Variants in FAM234A observed in about 807,000 individuals in gnomAD.
FAM234A encodes the protein protein FAM234A.
FAM234A carries 42 observed loss-of-function variants against 49.1 expected under a neutral mutation model. That is an observed-to-expected ratio of 0.86 (90% confidence interval 0.67 to 1.11). The LOEUF (loss-of-function observed/expected upper bound fraction) is 1.11. Among genes scored for constraint, FAM234A ranks in the 50% least tolerant of loss-of-function variants. The pLI is 0.00. For synonymous variants in FAM234A, 369 were observed against 316.2 expected, an observed-to-expected ratio of 1.17 and a Z score of -1.77; for missense variants, 815 against 745.2, an observed-to-expected ratio of 1.09 and a Z score of -1.09.
chr16:245,266 G>A (rs573587720), intron 1 of FAM234A, among the ~76,000 whole-genome samples: 121 of 152,204 alleles, frequency 7.9e-4, no homozygotes, highest in African/African-American at 2.3e-3. Flanking sequence ...AGAATCTCTC[G>A]AACCCAGCAG....
chr16:235,495 G>C (rs1208207602), intron 1 of FAM234A, among the ~76,000 whole-genome samples: 1 of 152,174 alleles, frequency 6.6e-6, no homozygotes, highest in Non-Finnish European at 1.5e-5. Context: ...TTCGTTGGCC[G>C]AGAGTTGTCA....
rs781133919 is a variant in FAM234A at position 259,531 on chromosome 16, A to G, written c.317A>G (p.Gln106Arg). The change falls in exon 4 of 13, where the codon CAA becomes CGA. Residue 106 changes from glutamine (Q) to arginine (R), a missense_variant. Transcript: ENST00000399932. Reference protein sequence around the residue: ...AVDDINGDRIQDVLFLYKNTN... With the variant: ...AVDDINGDRIRDVLFLYKNTN... The stretch of plus-strand genomic sequence containing the variant: ...GATGATATAAACGGGGACAGGATCC[A>G]AGATGTTCTTTTTCTTTATAAAAAC... 19 of 1,613,034 alleles carry G rather than the reference A, an allele frequency of 1.2e-5. No homozygotes were observed. Among genetic ancestry groups the G allele is most frequent in the Non-Finnish European group, 1.5e-5 (18 of 1,179,074 alleles).
At chr16:262,602 C>T in intron 8 of FAM234A, 49 bp downstream of exon 8, 1 of 1,500,166 alleles carries the variant, frequency 6.7e-7, no homozygotes, top group Non-Finnish European at 8.9e-7. Flanking sequence ...CACCCCATGG[C>T]TCTGCTCGCC....
intron 5 of FAM234A, 35 bp downstream of exon 5, chr16:260,195 G>A (rs768661264): frequency 6.3e-5 from 101 of 1,595,698 alleles, no homozygotes; most frequent in Non-Finnish European, 4.5e-5. Context: ...CTCACTGAGG[G>A]CCTCTCACCT....
chr16:258,076 G>A (rs968787583), intron 3 of FAM234A, among the ~76,000 whole-genome samples: 1 of 151,252 alleles, frequency 6.6e-6, no homozygotes, highest in African/African-American at 2.4e-5. Context: ...GGCTTGTCTC[G>A]GACTCCTGAC....
In FAM234A at chr16:254,559, C is replaced by T. The variant is rs1252740487; in HGVS notation, c.146C>T (p.Ala49Val). The T allele has an allele frequency of 1.2e-6, 2 of 1,614,150 alleles. No individual in the cohort carries two copies. The highest frequency in any genetic ancestry group is 1.7e-6 in the Non-Finnish European group (2 of 1,180,026). Reference sequence around the variant, plus strand: ...CAGTCCCGGCTCTCCCGGTGCCGAGCGGCGGCGTTTTTTCTTTCATTGTTT... The same window carrying T: ...CAGTCCCGGCTCTCCCGGTGCCGAGTGGCGGCGTTTTTTCTTTCATTGTTT... ...PPQSRLSRCR[A>V]AAFFLSLFLC... The change falls in exon 3 of 13, where the codon GCG (alanine) becomes GTG (valine). Residue 49 changes from alanine (A) to valine (V), a missense_variant. Ala to Val is a moderately conservative substitution (Grantham distance 64). Coordinates refer to ENST00000399932, the MANE Select transcript of FAM234A (RefSeq NM_032039.4).
chr16:269,306 G>A (rs374093158), downstream of FAM234A: 48 of 1,591,264 alleles, frequency 3.0e-5, no homozygotes, highest in Admixed American at 3.6e-5. Flanking sequence ...GCCACAAGCC[G>A]CTGTGGGCTC....
intron 3 of FAM234A, among the ~76,000 whole-genome samples, chr16:258,948 A>G (rs2051348349): frequency 6.6e-6 from 1 of 151,984 alleles, no homozygotes; most frequent in African/African-American, 2.4e-5. Context: ...ACACCCAGCT[A>G]ATTTTTTGTA....
downstream of FAM234A, among the ~76,000 whole-genome samples, chr16:266,435 G>C (rs998735575): frequency 6.6e-6 from 1 of 152,204 alleles, no homozygotes; most frequent in Non-Finnish European, 1.5e-5. Context: ...GGAGTCCAGC[G>C]TGAAGGGATG....
intron 1 of FAM234A, among the ~76,000 whole-genome samples, chr16:239,041 C>T (rs902533358): frequency 4.1e-5 from 6 of 146,254 alleles, no homozygotes; most frequent in Non-Finnish European, 6.0e-5. Context: ...GAGATCGCTC[C>T]GCTACACTCC....
intron 2 of FAM234A, 61 bp from the exon 3 acceptor site, chr16:254,318 CTG>C: frequency 7.1e-7 from 1 of 1,410,974 alleles, no homozygotes; most frequent in Non-Finnish European, 9.8e-7. Flanking sequence ...GCAGACCCCT[CTG>C]TGCTGCAGCT....
At position 254,571 on chromosome 16, in the gene FAM234A, T is replaced by C. The variant is rs1278306820; in HGVS notation, c.158T>C (p.Phe53Ser). ...TCCCGGTGCCGAGCGGCGGCGTTTT[T>C]TCTTTCATTGTTTCTCTGCCTTTTT... is the stretch of plus-strand genomic sequence containing the variant. ...RLSRCRAAAF[F>S]LSLFLCLFVV... Residue 53 changes from phenylalanine (F) to serine (S), a missense_variant, in exon 3 of 13, where the codon TTT (phenylalanine) becomes TCT (serine). Physicochemically the swap from Phe to Ser is radical, Grantham distance 155. Transcript: ENST00000399932. 3 of 1,614,190 alleles carry C rather than the reference T, an allele frequency of 1.9e-6. No homozygotes were observed. The East Asian group carries it at 6.7e-5, about 36-fold the overall frequency.
At position 262,124 on chromosome 16, in the gene FAM234A, G is replaced by A. The variant is rs748893849; in HGVS notation, c.740G>A (p.Gly247Glu). 3 of 1,613,924 alleles carry A rather than the reference G, an allele frequency of 1.9e-6. No homozygotes were observed. The highest frequency in any genetic ancestry group is 1.1e-5 in the South Asian group (1 of 91,070). Residue 247 changes from glycine to glutamate, a missense_variant, in exon 7 of 13, where the codon GGG (glycine) becomes GAG (glutamate). Transcript: ENST00000399932. ...GGCCACCTCTACTCCGGCAGCACCG[G>A]GCACCAGATTGGCCTCAGAGGCAGC... The part of the protein sequence containing the change: ...VSGHLYSGST[G>E]HQIGLRGSLG...
intron 5 of FAM234A, chr16:260,608 C>A (rs201756655): frequency 2.7e-5 from 13 of 474,252 alleles, no homozygotes; most frequent in Non-Finnish European, 5.2e-5. Flanking sequence ...CCAGCGGAGC[C>A]GGCCTCGTGG....
At chr16:268,007 A>G (rs1424141575), downstream of FAM234A, among the ~76,000 whole-genome samples, 10 of 122,588 alleles carry the variant, frequency 8.2e-5, no homozygotes, top group Non-Finnish European at 1.1e-4. Flanking sequence ...ATACACACGC[A>G]CACACACCAC....
chr16:247,243 A>G (rs1188441353), intron 1 of FAM234A, among the ~76,000 whole-genome samples: 4 of 150,878 alleles, frequency 2.7e-5, no homozygotes, highest in African/African-American at 9.8e-5. Flanking sequence ...TGACCCTCCC[A>G]CCTCAGCTCC....
Position 263,766 on chromosome 16 carries a change from CGACA to C in FAM234A, c.1185_1188del (p.Gln396SerfsTer15), listed in dbSNP as rs1301655529. 24 of 1,612,932 alleles carry C rather than the reference CGACA, an allele frequency of 1.5e-5. No homozygotes were observed. The highest frequency in any genetic ancestry group is 2.7e-5 in the African/African-American group (2 of 75,032). ...TAGCCGTTGAAAACGGAACTGGCAC[CGACA>C]GACAGGTTCGTTGTTCTTCCTTCGG... On this transcript the variant is annotated frameshift_variant, in exon 10 of 13. Coordinates refer to ENST00000399932, the MANE Select transcript of FAM234A (RefSeq NM_032039.4). LOFTEE classifies it high-confidence loss of function.
At chr16:269,363 C>A, downstream of FAM234A, 1 of 1,603,586 alleles carries the variant, frequency 6.2e-7, no homozygotes, top group Non-Finnish European at 8.5e-7. Flanking sequence ...GTGCCGTGGC[C>A]TCCACGTAAA....
At chr16:260,388 C>G in intron 5 of FAM234A, 2 of 588,420 alleles carry the variant, frequency 3.4e-6, no homozygotes, top group South Asian at 3.8e-5. Context: ...CCCGTTACAC[C>G]TTGCTGGTGG....
Sources: gnomAD v4.1 joint callset for allele counts (sites outside exome capture counted in the v4.1 genomes callset) on GRCh38, gnomAD v4.1.1 for gene constraint, MANE v1.5 for transcripts, NCBI Gene and HGNC (gene_info 2026-07-23, HGNC 2026-07-21) for gene names.